THRB: variants seen among roughly 807,000 people sequenced by gnomAD.
The protein encoded by THRB is thyroid hormone receptor beta, also known as nuclear receptor subfamily 1 group A member 2.
Under a neutral mutation model 47.8 loss-of-function variants are expected in THRB, and 12 were observed. The ratio of observed to expected loss-of-function variants is 0.25; its 90% CI spans 0.16 to 0.41. THRB has a LOEUF of 0.41. Ranked by LOEUF, THRB falls within the 10% of genes least tolerant of loss-of-function variation. The pLI is 1.00. For missense variants in THRB, 348 were observed against 589.2 expected (o/e 0.59, Z 4.24); for synonymous variants, 218 against 212.2 (o/e 1.03, Z -0.24).
rs552831955 is a variant in THRB, at chr3:24,123,043, G to A, written c.1227C>T (p.Tyr409=). 1.4e-5 allele frequency: 22 copies of A among 1,614,152 alleles called. No individual in the cohort carries two copies. The highest frequency in any genetic ancestry group is 1.6e-4 in the Middle Eastern group (1 of 6,062). ...AAAAGTGTGTCACGTGGTGTTTTCG[G>A]TAATTGATATAGTGTTCAAAGGCCA... The part of the protein sequence containing the change: ...FLLAFEHYIN[Y]RKHHVTHFWP... The change falls in exon 11 of 11, where the codon TAC becomes TAT. Residue 409 remains tyrosine, a synonymous_variant. Transcript: ENST00000646209.
chr3:24,187,030 A>C (rs2042682558), intron 5 of THRB, among the ~76,000 whole-genome samples: 1 of 152,028 alleles, frequency 6.6e-6, no homozygotes, highest in Non-Finnish European at 1.5e-5. Flanking sequence ...CTAAAGAAAC[A>C]ATATTTAGAG....
intron 2 of THRB, among the ~76,000 whole-genome samples, chr3:24,317,390 G>A (rs951417884): frequency 1.3e-5 from 2 of 152,150 alleles, no homozygotes; most frequent in African/African-American, 4.8e-5. Context: ...CCCCATGGCT[G>A]CCTCTGTTGT....
intron 1 of THRB, among the ~76,000 whole-genome samples, chr3:24,444,397 A>G (rs1252857574): frequency 6.6e-6 from 1 of 152,216 alleles, no homozygotes; most frequent in African/African-American, 2.4e-5. Flanking sequence ...AGTATCTTAA[A>G]TAATCTCAAA....
At chr3:24,211,920 G>GTCTAATT (rs2046069220) in intron 4 of THRB, among the ~76,000 whole-genome samples, 1 of 152,080 alleles carries the variant, frequency 6.6e-6, no homozygotes, top group East Asian at 1.9e-4. Context: ...GACAATATTT[G>GTCTAATT]CAGGCTAAAA....
rs532270966 is a variant in THRB, at chr3:24,186,721, G to C, written c.283+3353C>G. Among the ~76,000 whole-genome samples the C allele has an allele frequency of 9.3e-4, 142 of 152,182 alleles. 1 individual carries two copies. Among genetic ancestry groups the C allele is most frequent in the Admixed American group, 1.6e-3 (24 of 15,282 alleles). ...ACCACTTTGGGAGGCTGAGGTGGGT[G>C]GATCACCTGAGCTCAGGAGTTTGAG... On this transcript the variant is annotated intron_variant, in intron 5 of 10. Transcript: ENST00000646209.
chr3:24,322,198 G>A (rs910449496), intron 2 of THRB, among the ~76,000 whole-genome samples: 1 of 152,124 alleles, frequency 6.6e-6, no homozygotes, highest in South Asian at 2.1e-4. Flanking sequence ...TATTGATTTG[G>A]AGAGAAACAA....
intron 4 of THRB, among the ~76,000 whole-genome samples, chr3:24,215,174 T>C (rs866370615): frequency 2.6e-5 from 4 of 152,210 alleles, no homozygotes; most frequent in Admixed American, 6.5e-5. Flanking sequence ...CATTTATTAA[T>C]CTAGGCTCTG....
chr3:24,486,029 T>G (rs925149995), intron 1 of THRB, among the ~76,000 whole-genome samples: 8 of 151,982 alleles, frequency 5.3e-5, no homozygotes, highest in African/African-American at 1.9e-4. Flanking sequence ...CGGCCCCAGT[T>G]CCAAACGTCT....
chr3:24,315,040 T>A (rs1355861688), intron 2 of THRB, among the ~76,000 whole-genome samples: 1 of 152,216 alleles, frequency 6.6e-6, no homozygotes, highest in South Asian at 2.1e-4. Context: ...TATATTTTCT[T>A]TGTCTTTTAA....
chr3:24,321,892 C>A (rs2058510499), intron 2 of THRB, among the ~76,000 whole-genome samples: 1 of 151,846 alleles, frequency 6.6e-6, no homozygotes, highest in African/African-American at 2.4e-5. Context: ...TAATATTTTT[C>A]TGCTGGTTAC....
intron 1 of THRB, among the ~76,000 whole-genome samples, chr3:24,469,716 A>G (rs775766277): frequency 1.3e-5 from 2 of 152,256 alleles, no homozygotes; most frequent in Non-Finnish European, 2.9e-5. Flanking sequence ...AATACATTTT[A>G]TTAACTTATT....
At chr3:24,378,467 T>A (rs2065455136) in intron 1 of THRB, among the ~76,000 whole-genome samples, 1 of 152,174 alleles carries the variant, frequency 6.6e-6, no homozygotes. Context: ...ACCTATCTCT[T>A]AGCCTTGTGA....
intron 2 of THRB, among the ~76,000 whole-genome samples, chr3:24,315,527 C>CA (rs981732329): frequency 1.3e-5 from 2 of 152,196 alleles, no homozygotes; most frequent in African/African-American, 4.8e-5. Flanking sequence ...CTCACTACTC[C>CA]AGGCTGCTCT....
At chr3:24,352,316 CT>C (rs1351897660) in intron 1 of THRB, among the ~76,000 whole-genome samples, 1 of 152,126 alleles carries the variant, frequency 6.6e-6, no homozygotes, top group Non-Finnish European at 1.5e-5. Flanking sequence ...TCTGGCTTAT[CT>C]TCAACAACCA....
At chr3:24,273,613 T>C (rs186384274) in intron 3 of THRB, among the ~76,000 whole-genome samples, 2 of 152,386 alleles carry the variant, frequency 1.3e-5, no homozygotes, top group East Asian at 3.9e-4. Flanking sequence ...ACTTAGTTGG[T>C]GGCAGAAGCT....
intron 1 of THRB, among the ~76,000 whole-genome samples, chr3:24,488,463 G>T (rs541632506): frequency 6.6e-6 from 1 of 152,020 alleles, no homozygotes; most frequent in African/African-American, 2.4e-5. Flanking sequence ...AATAAAAATT[G>T]GATAAAACAT....
At chr3:24,351,913 T>G (rs2063380511) in intron 1 of THRB, among the ~76,000 whole-genome samples, 1 of 152,152 alleles carries the variant, frequency 6.6e-6, no homozygotes, top group African/African-American at 2.4e-5. Flanking sequence ...TCTCTTGCAT[T>G]TCCGACAGAT....
At position 24,375,576 on chromosome 3, in the gene THRB, A is replaced by G. The variant is rs533443968; in HGVS notation, c.-260-38205T>C. Among the ~76,000 whole-genome samples, 316 of 149,408 alleles carry G rather than the reference A, an allele frequency of 2.1e-3. 2 individuals are homozygous for G. The highest frequency in any genetic ancestry group is 2.6e-3 in the Non-Finnish European group (173 of 67,472). On this transcript the variant is annotated intron_variant, in intron 1 of 10. Coordinates refer to ENST00000646209, the MANE Select transcript of THRB (RefSeq NM_001354712.2). Reference sequence around the variant, plus strand: ...AATAAATATTACTAATTATATTGATATACAGAATAAAAGAAAAACTAACTC... The same window carrying G: ...AATAAATATTACTAATTATATTGATGTACAGAATAAAAGAAAAACTAACTC...
At chr3:24,285,502 C>A (rs2055180715) in intron 3 of THRB, among the ~76,000 whole-genome samples, 1 of 150,646 alleles carries the variant, frequency 6.6e-6, no homozygotes, top group African/African-American at 2.4e-5. Flanking sequence ...TTAGTGGGTG[C>A]AGCACACCAG....
Sources: allele counts gnomAD v4.1 joint callset (sites outside exome capture counted in the v4.1 genomes callset), GRCh38; gene constraint gnomAD v4.1.1; transcripts MANE v1.5; gene names NCBI Gene and HGNC (gene_info 2026-07-23, HGNC 2026-07-21).